Variants in AGMO observed in about 807,000 individuals in gnomAD.
AGMO encodes glyceryl-ether monooxygenase.
A neutral mutation model predicts 60.2 loss-of-function variants in AGMO; 75 were observed. The observed-to-expected ratio is 1.25, with a 90% CI of 1.03 to 1.51. AGMO has a LOEUF of 1.51. AGMO is among the 40% of genes most tolerant of loss of function. The probability of loss-of-function intolerance (pLI) is 0.00; values close to 1 mark genes in which losing one functional copy is unlikely to be tolerated. For synonymous variants in AGMO, 261 were observed against 177.1 expected, an observed-to-expected ratio of 1.47 and a Z score of -3.76; for missense variants, 763 against 525.5, an observed-to-expected ratio of 1.45 and a Z score of -4.42.
At chr7:15,207,490 C>A (rs1377669240) in intron 12 of AGMO, among the ~76,000 whole-genome samples, 2 of 152,186 alleles carry the variant, frequency 1.3e-5, no homozygotes, top group Non-Finnish European at 2.9e-5. Context: ...CACCGACACA[C>A]TTCTATTTAC....
At chr7:15,406,700 CAT>C (rs1466763497) in intron 5 of AGMO, among the ~76,000 whole-genome samples, 2 of 42,264 alleles carry the variant, frequency 4.7e-5, no homozygotes, top group African/African-American at 1.8e-4. Flanking sequence ...ATGGAATATA[CAT>C]ATATATGTGT....
chr7:15,466,694 A>G (rs1432365564), intron 3 of AGMO, among the ~76,000 whole-genome samples: 1 of 152,194 alleles, frequency 6.6e-6, no homozygotes, highest in Non-Finnish European at 1.5e-5. Context: ...TAAGAGGACT[A>G]GATTGTATAT....
chr7:15,429,002 C>G (rs1160881965), intron 4 of AGMO, among the ~76,000 whole-genome samples: 1 of 152,048 alleles, frequency 6.6e-6, no homozygotes, highest in African/African-American at 2.4e-5. Flanking sequence ...CCGATTTCCT[C>G]CATCACGTGC....
chr7:15,152,545 C>A, the AGMO span, among the ~76,000 whole-genome samples: 1 of 152,064 alleles, frequency 6.6e-6, no homozygotes, highest in African/African-American at 2.4e-5. Context: ...ATTAGTATGT[C>A]TTTTCATCCT....
intron 12 of AGMO, among the ~76,000 whole-genome samples, chr7:15,262,562 G>C (rs949625712): frequency 2.0e-5 from 3 of 151,782 alleles, no homozygotes; most frequent in East Asian, 3.9e-4. Context: ...CAAACTGAAT[G>C]CAATTTCCAT....
rs1486326352 is a variant in AGMO, at chr7:15,248,224, A to ATATC, written c.1264-46866_1264-46865insGATA. ...TATATATATATATATATATATATAT[A>ATATC]TCTTCATCTTCAATTCTAGTCTAAA... On this transcript the variant is annotated intron_variant, in intron 12 of 12. Coordinates refer to ENST00000342526, the MANE Select transcript of AGMO (RefSeq NM_001004320.2). Among the ~76,000 whole-genome samples the ATATC allele has an allele frequency of 2.2e-3, 215 of 98,550 alleles. 1 individual carries two copies. The highest frequency in any genetic ancestry group is 8.6e-3 in the African/African-American group (210 of 24,520). 64.7% of individuals were successfully genotyped at this position (98,550 alleles called of 152,430 possible).
chr7:15,535,019 T>A (rs945594456), intron 3 of AGMO, among the ~76,000 whole-genome samples: 2 of 152,128 alleles, frequency 1.3e-5, no homozygotes, highest in Non-Finnish European at 2.9e-5. Flanking sequence ...TCATTTAAAC[T>A]TCTCAAGTAG....
At chr7:15,542,430 G>A (rs1230732745) in intron 3 of AGMO, among the ~76,000 whole-genome samples, 1 of 152,072 alleles carries the variant, frequency 6.6e-6, no homozygotes, top group South Asian at 2.1e-4. Context: ...CTTCCCAACT[G>A]AGAACACTTA....
In AGMO at chr7:15,510,883, CATATA is replaced by C. The variant is rs565515763; in HGVS notation, c.409+33884_409+33888del. On this transcript the variant is annotated intron_variant, in intron 3 of 12. Coordinates refer to ENST00000342526, the MANE Select transcript of AGMO (RefSeq NM_001004320.2). The stretch of plus-strand genomic sequence containing the variant: ...TATAATGTTAATGTTATAAATATAA[CATATA>C]ATATATGTTTATGTATATATGTATA... Among the ~76,000 whole-genome samples the C allele has an allele frequency of 3.5e-3, 509 of 147,488 alleles. 3 individuals are homozygous for C. The highest frequency in any genetic ancestry group is 0.011 in the East Asian group (54 of 5,106).
In AGMO at chr7:15,468,760, G is replaced by T. The variant is rs576546560; in HGVS notation, c.410-37652C>A. On this transcript the variant is annotated intron_variant, in intron 3 of 12. Coordinates refer to ENST00000342526, the MANE Select transcript of AGMO (RefSeq NM_001004320.2). ...GTTTTATCTACAAGAGGTTATGTTTGACTTGCTTATCAAATGTCTGAAGCT... is the reference window on the plus strand; with the variant it reads ...GTTTTATCTACAAGAGGTTATGTTTTACTTGCTTATCAAATGTCTGAAGCT... Among the ~76,000 whole-genome samples, 10 of 152,182 alleles carry T rather than the reference G, an allele frequency of 6.6e-5. No individual in the cohort carries two copies. The South Asian group carries it at 2.1e-3, about 32-fold the overall frequency.
At chr7:15,154,237 G>T in the AGMO span, among the ~76,000 whole-genome samples, 1 of 152,128 alleles carries the variant, frequency 6.6e-6, no homozygotes, top group South Asian at 2.1e-4. Flanking sequence ...TATCAACAGT[G>T]ACCAAGCTGA....
chr7:15,405,471 C>T lies in AGMO; in HGVS notation c.610-11292G>A, dbSNP rs1358643644. 2.6e-5 allele frequency among the ~76,000 whole-genome samples: 4 copies of T among 151,920 alleles called. No individual in the cohort carries two copies. In the South Asian group the frequency reaches 6.2e-4, roughly 24 times the overall value. On this transcript the variant is annotated intron_variant, in intron 5 of 12. Coordinates refer to ENST00000342526, the MANE Select transcript of AGMO (RefSeq NM_001004320.2). ...CTTCACTCACCAGAGATTTATTTTA[C>T]GTGGTTCTTGGAAGGGAGCAATCAT...
At position 15,315,854 on chromosome 7, in the gene AGMO, C is replaced by T. The variant is rs111810777; in HGVS notation, c.1263+49660G>A. On this transcript the variant is annotated intron_variant, in intron 12 of 12. Transcript: ENST00000342526. The stretch of plus-strand genomic sequence containing the variant: ...AAAAAAACATTTATTGCACCATTTT[C>T]TATAAATTACCTAATTGTAGGTCAA... Among the ~76,000 whole-genome samples the T allele has an allele frequency of 7.6e-3, 1,155 of 152,148 alleles. 10 individuals carry two copies. The highest frequency in any genetic ancestry group is 0.026 in the African/African-American group (1,089 of 41,502).
At chr7:15,407,038 CACATATATATGAATAT>C (rs1784721244) in intron 5 of AGMO, among the ~76,000 whole-genome samples, 1 of 142,200 alleles carries the variant, frequency 7.0e-6, no homozygotes, top group African/African-American at 2.6e-5. Context: ...TGTATATACA[CACATATATATGAATAT>C]ACATATATAT....
Position 15,345,494 on chromosome 7 carries a change from C to A in AGMO, c.1263+20020G>T, listed in dbSNP as rs536718593. ...ATTATTTATGTTTCCCTTCTAAGTT[C>A]TTTTGGAGTGTGCTGTGCATAACAT... On this transcript the variant is annotated intron_variant, in intron 12 of 12. Coordinates refer to ENST00000342526, the MANE Select transcript of AGMO (RefSeq NM_001004320.2). Among the ~76,000 whole-genome samples, 4 of 152,274 alleles carry A rather than the reference C, an allele frequency of 2.6e-5. No individual in the cohort carries two copies. The East Asian group carries it at 7.7e-4, about 29-fold the overall frequency.
the AGMO span, among the ~76,000 whole-genome samples, chr7:15,123,908 A>G: frequency 2.0e-5 from 3 of 152,062 alleles, no homozygotes; most frequent in South Asian, 6.2e-4. Flanking sequence ...CTTTGCTGGG[A>G]CAGGTTTCTT....
the AGMO span, among the ~76,000 whole-genome samples, chr7:15,133,867 C>T: frequency 3.9e-5 from 6 of 152,256 alleles, no homozygotes; most frequent in South Asian, 6.2e-4. Context: ...CTTCAAATGC[C>T]GTGGATCTGA....
chr7:15,135,655 A>G, the AGMO span, among the ~76,000 whole-genome samples: 1 of 152,046 alleles, frequency 6.6e-6, no homozygotes, highest in East Asian at 1.9e-4. Context: ...CTGATACCAA[A>G]GTCCTATTCC....
chr7:15,192,203 A>G, the AGMO span, among the ~76,000 whole-genome samples: 14,967 of 151,976 alleles, frequency 0.098, 873 homozygotes, highest in East Asian at 0.15. Context: ...CTAAATGAGA[A>G]GTTATCCCTG....
Sources: allele counts gnomAD v4.1 joint callset (sites outside exome capture counted in the v4.1 genomes callset), GRCh38; gene constraint gnomAD v4.1.1; transcripts MANE v1.5; gene names NCBI Gene and HGNC (gene_info 2026-07-23, HGNC 2026-07-21).